The following EYS variants were observed in gnomAD, a reference collection of about 807,000 sequenced individuals.
EYS encodes protein eyes shut homolog.
EYS carries 250 observed loss-of-function variants against 282.1 expected under a neutral mutation model. The observed-to-expected ratio is 0.89, with a 90% CI of 0.80 to 0.98. The LOEUF (loss-of-function observed/expected upper bound fraction) is 0.98. Among genes scored for constraint, EYS ranks in the 50% least tolerant of loss-of-function variants. EYS has a pLI of 0.00. For synonymous variants in EYS, 1,355 were observed against 1,282.9 expected (o/e 1.06, Z -1.20); for missense variants, 4,016 against 3,709.0 (o/e 1.08, Z -2.15).
At chr6:65,483,611 A>G (rs1765679408) in intron 5 of EYS, among the ~76,000 whole-genome samples, 1 of 152,198 alleles carries the variant, frequency 6.6e-6, no homozygotes, top group Non-Finnish European at 1.5e-5. Context: ...AGAAAAATGT[A>G]CATATATTGG....
intron 5 of EYS, among the ~76,000 whole-genome samples, chr6:65,408,494 C>T (rs903521373): frequency 3.3e-5 from 5 of 152,002 alleles, no homozygotes; most frequent in African/African-American, 4.8e-5. Context: ...TCCTCTAAGT[C>T]GTCACATTTG....
chr6:65,486,515 T>G (rs1309108962), intron 5 of EYS, among the ~76,000 whole-genome samples: 1 of 152,184 alleles, frequency 6.6e-6, no homozygotes, highest in East Asian at 1.9e-4. Context: ...TTACAGTAAG[T>G]TGCATTTTTT....
chr6:65,681,366 G>C (rs573747990), intron 1 of EYS, among the ~76,000 whole-genome samples: 1 of 152,108 alleles, frequency 6.6e-6, no homozygotes, highest in Admixed American at 6.6e-5. Flanking sequence ...TGTATTCCAG[G>C]AAATGGGGTC....
At chr6:65,033,412 G>A (rs1772665091) in intron 13 of EYS, among the ~76,000 whole-genome samples, 1 of 152,130 alleles carries the variant, frequency 6.6e-6, no homozygotes, top group Non-Finnish European at 1.5e-5. Context: ...GACCTTCATG[G>A]CAGTCACTCC....
At chr6:65,229,758 G>A (rs1414548802) in intron 12 of EYS, among the ~76,000 whole-genome samples, 1 of 151,936 alleles carries the variant, frequency 6.6e-6, no homozygotes, top group Non-Finnish European at 1.5e-5. Flanking sequence ...GTGACAATGA[G>A]TGAAACTGAG....
chr6:64,101,736 G>A (rs958600729), intron 31 of EYS, among the ~76,000 whole-genome samples: 1 of 151,930 alleles, frequency 6.6e-6, no homozygotes, highest in Non-Finnish European at 1.5e-5. Context: ...GATGATTCAA[G>A]CCCATTACGT....
At chr6:64,673,577 G>T (rs1769543822) in intron 22 of EYS, among the ~76,000 whole-genome samples, 1 of 152,046 alleles carries the variant, frequency 6.6e-6, no homozygotes, top group South Asian at 2.1e-4. Flanking sequence ...CATTTGCTGA[G>T]AATTAGAATG....
chr6:65,313,366 T>C (rs1352127573), intron 11 of EYS, among the ~76,000 whole-genome samples: 1 of 151,872 alleles, frequency 6.6e-6, no homozygotes, highest in Non-Finnish European at 1.5e-5. Context: ...GATTAACACA[T>C]GCTTAAAGGA....
chr6:65,497,762 G>A (rs1442469844), intron 2 of EYS, among the ~76,000 whole-genome samples: 1 of 152,028 alleles, frequency 6.6e-6, no homozygotes, highest in Non-Finnish European at 1.5e-5. Context: ...AATCAATTTT[G>A]TTCTCTCTTC....
intron 12 of EYS, among the ~76,000 whole-genome samples, chr6:65,238,189 T>A (rs889097310): frequency 6.6e-6 from 1 of 151,220 alleles, no homozygotes; most frequent in African/African-American, 2.4e-5. Context: ...CCTGTTATAT[T>A]TTTTACTCTC....
At chr6:64,842,660 A>T (rs538921827) in intron 19 of EYS, among the ~76,000 whole-genome samples, 1 of 152,058 alleles carries the variant, frequency 6.6e-6, no homozygotes, top group Non-Finnish European at 1.5e-5. Context: ...ACTGGAGCAA[A>T]GGTGACTCTT....
chr6:64,161,708 A>C (rs375549562), intron 31 of EYS, among the ~76,000 whole-genome samples: 32 of 152,202 alleles, frequency 2.1e-4, no homozygotes, highest in African/African-American at 7.5e-4. Context: ...GTTTCATTAG[A>C]AAATGATTTT....
intron 11 of EYS, among the ~76,000 whole-genome samples, chr6:65,317,825 C>CCAGACAGAGT (rs1769342596): frequency 3.7e-5 from 3 of 81,256 alleles, no homozygotes; most frequent in Non-Finnish European, 5.0e-5. Flanking sequence ...TTCCTTCCTT[C>CCAGACAGAGT]CTTTCTTTCT....
intron 22 of EYS, among the ~76,000 whole-genome samples, chr6:64,738,223 G>T (rs1417547925): frequency 1.3e-5 from 2 of 152,116 alleles, no homozygotes; most frequent in Non-Finnish European, 2.9e-5. Flanking sequence ...GCTGGATGGG[G>T]CTGGATCCCT....
intron 8 of EYS, among the ~76,000 whole-genome samples, chr6:65,376,387 A>T (rs1190664051): frequency 6.6e-6 from 1 of 152,172 alleles, no homozygotes; most frequent in African/African-American, 2.4e-5. Flanking sequence ...TACTAAATAT[A>T]GAAAGGAAAA....
In EYS at chr6:65,222,270, C is replaced by T. The variant is rs896642148; in HGVS notation, c.2023+73593G>A. On this transcript the variant is annotated intron_variant, in intron 12 of 42. Transcript: ENST00000503581. ...TGGCTATGTCCTGACCCAAATCTCACCTTGAAATGTAATAATCCCCATGTG... is the reference window on the plus strand; with the variant it reads ...TGGCTATGTCCTGACCCAAATCTCATCTTGAAATGTAATAATCCCCATGTG... 2.0e-5 allele frequency among the ~76,000 whole-genome samples: 3 copies of T among 152,074 alleles called. No individual in the cohort carries two copies. In the South Asian group the frequency reaches 6.2e-4, roughly 31 times the overall value.
chr6:63,739,062 G>GCCTC (rs1320674103), intron 41 of EYS, among the ~76,000 whole-genome samples: 3 of 151,514 alleles, frequency 2.0e-5, no homozygotes, highest in African/African-American at 4.9e-5. Context: ...ATTTTTCCCT[G>GCCTC]CCTCCCTCCT....
At chr6:64,560,704 A>C (rs1765366964) in intron 26 of EYS, among the ~76,000 whole-genome samples, 1 of 152,174 alleles carries the variant, frequency 6.6e-6, no homozygotes, top group Admixed American at 6.6e-5. Context: ...TTTCCTCAAA[A>C]AAATTTAAAA....
intron 35 of EYS, among the ~76,000 whole-genome samples, chr6:63,874,285 G>C (rs941188066): frequency 6.6e-6 from 1 of 152,126 alleles, no homozygotes. Context: ...TGCCAGATTT[G>C]TCAAAGATCA....
Sources: allele counts gnomAD v4.1 joint callset (sites outside exome capture counted in the v4.1 genomes callset), GRCh38; gene constraint gnomAD v4.1.1; transcripts MANE v1.5; gene names NCBI Gene and HGNC (gene_info 2026-07-23, HGNC 2026-07-21).